Variants in NEURL3 observed in about 807,000 individuals in gnomAD.
NEURL3 encodes the protein E3 ubiquitin-protein ligase NEURL3.
NEURL3 carries 19 observed loss-of-function variants against 17.6 expected under a neutral mutation model. The observed-to-expected ratio is 1.08, with a 90% CI of 0.75 to 1.58. NEURL3 has a LOEUF of 1.58. NEURL3 is among the 40% of genes most tolerant of loss of function. The pLI is 0.00. For synonymous variants in NEURL3, 180 were observed against 161.4 expected (o/e 1.11, Z -0.87); for missense variants, 342 against 379.6 (o/e 0.90, Z 0.82).
At chr2:96,504,441 TG>T (rs2065541717) in intron 1 of NEURL3, 1 of 152,240 alleles carries the variant, frequency 6.6e-6, no homozygotes, top group South Asian at 2.1e-4. Flanking sequence ...ACAGCAGCAG[TG>T]GCTCTTGGCA....
At chr2:96,506,444 T>C (rs1455560178), upstream of NEURL3, among the ~76,000 whole-genome samples, 1 of 152,144 alleles carries the variant, frequency 6.6e-6, no homozygotes, top group Non-Finnish European at 1.5e-5. Flanking sequence ...CCTCAAGCAG[T>C]CCCCCCATCT....
At chr2:96,505,700 T>C (rs1275435064), upstream of NEURL3, among the ~76,000 whole-genome samples, 1 of 151,860 alleles carries the variant, frequency 6.6e-6, no homozygotes, top group Non-Finnish European at 1.5e-5. Context: ...GCATCAGGAG[T>C]TTACAGAGCA....
intron 1 of NEURL3, among the ~76,000 whole-genome samples, chr2:96,502,755 G>A (rs995639805): frequency 3.3e-5 from 5 of 152,242 alleles, no homozygotes; most frequent in Non-Finnish European, 5.9e-5. Context: ...GGGCGGTGCC[G>A]GAGATGGTGG....
chr2:96,500,430 T>TGAGCCCCTG lies in NEURL3; in HGVS notation c.514+8_514+9insCAGGGGCTC. Reference sequence around the variant, plus strand: ...CACCTCCCCTGCGGGGTCCCCATGGTCGCCTCACCCAGCAGCTCGATGGCC... The same window carrying TGAGCCCCTG: ...CACCTCCCCTGCGGGGTCCCCATGGTGAGCCCCTGCGCCTCACCCAGCAGCTCGATGGCC... On this transcript the variant is annotated intron_variant, in intron 2 of 3. Transcript: ENST00000451794. 1 of 1,596,970 alleles carries TGAGCCCCTG rather than the reference T, an allele frequency of 6.3e-7. No homozygotes were observed. Among genetic ancestry groups the TGAGCCCCTG allele is most frequent in the Non-Finnish European group, 8.5e-7 (1 of 1,179,150 alleles).
rs1288974913 is a variant in NEURL3 at position 96,498,710 on chromosome 2, G to A, written c.587-264C>T. Among the ~76,000 whole-genome samples, 3 of 151,964 alleles carry A rather than the reference G, an allele frequency of 2.0e-5. No homozygotes were observed. The highest frequency in any genetic ancestry group is 1.3e-4 in the Admixed American group (2 of 15,268). On this transcript the variant is annotated intron_variant, in intron 3 of 3. Coordinates refer to ENST00000451794, the MANE Select transcript of NEURL3 (RefSeq NM_001285485.2). The surrounding 1 kb of genome is among the most constrained non-coding windows in gnomAD (Gnocchi z 4.4). ...TATACACACGTCTATATCGATGACCGAAAATACTGGGAGGAAATCCACCCA... is the reference window on the plus strand; with the variant it reads ...TATACACACGTCTATATCGATGACCAAAAATACTGGGAGGAAATCCACCCA...
At position 96,500,842 on chromosome 2, in the gene NEURL3, G is replaced by A; in HGVS notation, c.111C>T (p.Ile37=). ...AQVRLDTRGC[I]AHRRTTFHDG... ...CGTGGAACGTGGTGCGCCTGTGCGC[G>A]ATGCAGCCACGCGTGTCCAGACGCA... Residue 37 remains isoleucine, a synonymous_variant, in exon 2 of 4, where the codon ATC becomes ATT. Transcript: ENST00000451794. 3 of 1,531,944 alleles carry A rather than the reference G, an allele frequency of 2.0e-6. No individual in the cohort carries two copies. Among genetic ancestry groups the A allele is most frequent in the Middle Eastern group, 2.3e-4 (1 of 4,376 alleles). The allele number at this position is 1,531,944 out of a possible 1,614,324, so 94.9% of individuals were successfully genotyped here.
At chr2:96,502,900 GC>G (rs2065524012) in intron 1 of NEURL3, among the ~76,000 whole-genome samples, 1 of 152,234 alleles carries the variant, frequency 6.6e-6, no homozygotes, top group Non-Finnish European at 1.5e-5. Flanking sequence ...AGTTCTCCCA[GC>G]CTCACCCAGT....
intron 3 of NEURL3, 49 bp downstream of exon 3, chr2:96,499,329 C>T: frequency 1.3e-6 from 2 of 1,593,874 alleles, no homozygotes; most frequent in Non-Finnish European, 1.7e-6. Flanking sequence ...CCCTCCACTC[C>T]CAGGTGCTGG....
intron 1 of NEURL3, 87 bp downstream of exon 1, chr2:96,505,172 C>T: frequency 2.0e-6 from 3 of 1,509,486 alleles, no homozygotes; most frequent in Non-Finnish European, 2.7e-6. Flanking sequence ...GACCACATCT[C>T]TACTCCAGCA....
upstream of NEURL3, among the ~76,000 whole-genome samples, chr2:96,506,547 G>A (rs2065562220): frequency 6.6e-6 from 1 of 152,212 alleles, no homozygotes; most frequent in Non-Finnish European, 1.5e-5. Flanking sequence ...TGGGTTTGGA[G>A]CCTTGTGAGT....
upstream of NEURL3, among the ~76,000 whole-genome samples, chr2:96,506,794 G>A (rs1314819507): frequency 1.3e-5 from 2 of 152,246 alleles, no homozygotes; most frequent in Non-Finnish European, 2.9e-5. Flanking sequence ...AGACTGTCTG[G>A]AAAATTACCT....
intron 2 of NEURL3, 103 bp from the exon 3 acceptor site, chr2:96,499,552 G>A: frequency 1.9e-6 from 2 of 1,048,912 alleles, no homozygotes; most frequent in South Asian, 2.8e-5. Flanking sequence ...TTTCTTTCCT[G>A]GGTTGCAATG....
intron 1 of NEURL3, among the ~76,000 whole-genome samples, chr2:96,502,604 G>A (rs939044402): frequency 1.3e-5 from 2 of 152,266 alleles, no homozygotes; most frequent in Admixed American, 1.3e-4. Flanking sequence ...GGGCAAGTGG[G>A]GCCTCTTGGC....
chr2:96,505,012 T>C (rs1268760967), intron 1 of NEURL3, among the ~76,000 whole-genome samples: 2 of 152,132 alleles, frequency 1.3e-5, no homozygotes, highest in African/African-American at 4.8e-5. Flanking sequence ...ATTTGTGCGT[T>C]TGATTTTATA....
chr2:96,506,785 G>A (rs1428023690), upstream of NEURL3, among the ~76,000 whole-genome samples: 1 of 152,254 alleles, frequency 6.6e-6, no homozygotes, highest in Non-Finnish European at 1.5e-5. Context: ...CTGAGCCTCA[G>A]ACTGTCTGGA....
Position 96,500,706 on chromosome 2 carries a change from G to T in NEURL3, c.247C>A (p.Leu83Met), listed in dbSNP as rs778756350. Residue 83 changes from leucine (L) to methionine (M), a missense_variant, in exon 2 of 4, where the codon CTG (leucine) becomes ATG (methionine). Leu to Met is a conservative substitution (Grantham distance 15). Coordinates refer to ENST00000451794, the MANE Select transcript of NEURL3 (RefSeq NM_001285485.2). ...GGCACGGACACGCACGCGGGGTCCA[G>T]GCGCGTGAAGCCCACGCGGAGGCCG... ...CGGLRVGFTR[L>M]DPACVSVPSL... is the part of the protein sequence containing the mutation. 282 of 1,517,564 alleles carry T rather than the reference G, an allele frequency of 1.9e-4. No individual in the cohort carries two copies. The highest frequency in any genetic ancestry group is 2.3e-4 in the Non-Finnish European group (263 of 1,139,318). 94.0% of individuals were successfully genotyped at this position (1,517,564 alleles called of 1,614,324 possible).
In NEURL3 at chr2:96,500,846, C is replaced by T; in HGVS notation, c.107G>A (p.Cys36Tyr). ...GAQVRLDTRG[C>Y]IAHRRTTFHD... ...GAACGTGGTGCGCCTGTGCGCGATG[C>T]AGCCACGCGTGTCCAGACGCACCTG... The change falls in exon 2 of 4, where the codon TGC (cysteine) becomes TAC (tyrosine). Residue 36 changes from cysteine (C) to tyrosine (Y), a missense_variant. Transcript: ENST00000451794. The T allele has an allele frequency of 1.3e-6, 2 of 1,532,314 alleles. No homozygotes were observed. Among genetic ancestry groups the T allele is most frequent in the South Asian group, 2.4e-5 (2 of 83,902 alleles). The allele number at this position is 1,532,314 out of a possible 1,614,324, so 94.9% of individuals were successfully genotyped here. A position where few individuals can be genotyped will look rare whatever the true frequency, so the allele number is the denominator to read the frequency against.
chr2:96,502,395 T>C (rs1268534625), intron 1 of NEURL3, among the ~76,000 whole-genome samples: 1 of 152,202 alleles, frequency 6.6e-6, no homozygotes, highest in Non-Finnish European at 1.5e-5. Context: ...GGCAGTGGGA[T>C]ACCAGCTGGG....
upstream of NEURL3, among the ~76,000 whole-genome samples, chr2:96,506,208 G>A (rs1573160643): frequency 6.6e-6 from 1 of 152,026 alleles, no homozygotes; most frequent in Non-Finnish European, 1.5e-5. Context: ...GAGATAAGTG[G>A]ACCCGACTTT....
Sources: allele counts gnomAD v4.1 joint callset (sites outside exome capture counted in the v4.1 genomes callset), GRCh38; gene constraint gnomAD v4.1.1; non-coding constraint Gnocchi (gnomAD v3.1); transcripts MANE v1.5; gene names NCBI Gene and HGNC (gene_info 2026-07-23, HGNC 2026-07-21).